The following ACP3 variants were observed in gnomAD, a reference collection of about 807,000 sequenced individuals.
ACP3 encodes the protein acid phosphatase 3.
In ACP3, 38 loss-of-function variants were observed where a neutral mutation model predicts 45.6. The ratio of observed to expected loss-of-function variants is 0.83; its 90% CI spans 0.64 to 1.09. ACP3 has a LOEUF of 1.09. ACP3 is among the 50% of genes least tolerant of loss of function. The pLI is 0.00. For missense variants in ACP3, 466 were observed against 463.2 expected (o/e 1.01, Z -0.05); for synonymous variants, 162 against 164.7 (o/e 0.98, Z 0.13).
At chr3:132,364,770 G>A (rs1387994292) in intron 10 of ACP3, among the ~76,000 whole-genome samples, 2 of 152,170 alleles carry the variant, frequency 1.3e-5, no homozygotes, top group East Asian at 1.9e-4. Flanking sequence ...AGGAAAGAAG[G>A]AAGGATAAAG....
chr3:132,331,767 C>G, intron 3 of ACP3, 34 bp downstream of exon 3: 1 of 1,506,744 alleles, frequency 6.6e-7, no homozygotes, highest in East Asian at 2.3e-5. Flanking sequence ...GAACTTTGAT[C>G]TTTGAAATAA....
chr3:132,355,460 T>C (rs1023487269), intron 9 of ACP3, among the ~76,000 whole-genome samples: 11 of 151,954 alleles, frequency 7.2e-5, no homozygotes, highest in African/African-American at 2.7e-4. Context: ...TTTTGTAAGT[T>C]TTATAGACAT....
At chr3:132,329,200 T>C (rs1937356603) in intron 2 of ACP3, among the ~76,000 whole-genome samples, 1 of 152,216 alleles carries the variant, frequency 6.6e-6, no homozygotes. Context: ...TGTTTAAATA[T>C]ATTAATTAAG....
intron 1 of ACP3, among the ~76,000 whole-genome samples, chr3:132,325,941 T>G (rs982162486): frequency 6.6e-6 from 1 of 152,198 alleles, no homozygotes. Flanking sequence ...CTTAGCACAG[T>G]TTCCAGGACA....
intron 9 of ACP3, among the ~76,000 whole-genome samples, chr3:132,353,901 C>T (rs554450221): frequency 2.0e-5 from 3 of 152,296 alleles, no homozygotes; most frequent in African/African-American, 7.2e-5. Flanking sequence ...TCACTGCTTA[C>T]AAAGAAGTGA....
intron 10 of ACP3, among the ~76,000 whole-genome samples, chr3:132,365,509 G>A (rs1217863945): frequency 1.3e-5 from 2 of 152,192 alleles, no homozygotes; most frequent in East Asian, 3.8e-4. Context: ...AGTGAAGGGA[G>A]GGTGATAGGA....
rs1332627455 is a variant in ACP3 at position 132,358,278 on chromosome 3, T to C, written c.*1400T>C. 2.7e-6 allele frequency: 3 copies of C among 1,103,188 alleles called. No individual in the cohort carries two copies. The highest frequency in any genetic ancestry group is 8.8e-5 in the Admixed American group (2 of 22,720). 68.3% of individuals were successfully genotyped at this position (1,103,188 alleles called of 1,614,324 possible). On this transcript the variant is annotated 3_prime_UTR_variant, in exon 10 of 10. Transcript: ENST00000336375. ...TATCAAACTGAAACAAAATTAGAAA[T>C]GTAATTATGTTCTAAGTGCCTCCAA...
At chr3:132,324,948 G>C (rs936737523) in intron 1 of ACP3, among the ~76,000 whole-genome samples, 1 of 152,132 alleles carries the variant, frequency 6.6e-6, no homozygotes. Context: ...GCCAGGAATT[G>C]TTATTATCTT....
chr3:132,366,818 T>C (rs1227910566), intron 10 of ACP3, among the ~76,000 whole-genome samples: 3 of 152,248 alleles, frequency 2.0e-5, no homozygotes, highest in Non-Finnish European at 4.4e-5. Flanking sequence ...AATACAATTA[T>C]CTGCTTAACC....
chr3:132,346,638 A>C (rs1309525614), intron 7 of ACP3, among the ~76,000 whole-genome samples: 1 of 152,206 alleles, frequency 6.6e-6, no homozygotes. Flanking sequence ...CTTAACAACA[A>C]AAGATGTAGA....
Position 132,357,406 on chromosome 3 carries a change from A to G in ACP3, c.*528A>G, listed in dbSNP as rs1559844152. ...TCAAGGAGAGGCAAAGAAAGGAGAT[A>G]CAGTGGAGACATCTGGAAAGTTTTC... On this transcript the variant is annotated 3_prime_UTR_variant, in exon 10 of 10. Transcript: ENST00000336375. The G allele has an allele frequency of 1.0e-6, 1 of 985,274 alleles. No homozygotes were observed. The highest frequency in any genetic ancestry group is 1.7e-5 in the African/African-American group (1 of 57,232). The allele number at this position is 985,274 out of a possible 1,614,324, so 61.0% of individuals were successfully genotyped here.
chr3:132,317,569 TG>T lies in ACP3; in HGVS notation c.114del (p.Thr39LeufsTer20). 1.2e-6 allele frequency: 2 copies of T among 1,611,088 alleles called. No homozygotes were observed. The highest frequency in any genetic ancestry group is 2.2e-5 in the South Asian group (2 of 90,220). ...GTACTAGCCAAGGAGTTGAAGTTTG[TG>T]ACTTTGGTAAGTAGACTTTTCTCAT... Reference protein sequence around the residue: ...RSVLAKELKFVTLVFRHGDRS... With the variant: ...RSVLAKELKFXTLVFRHGDRS... On this transcript the variant is annotated frameshift_variant, in exon 1 of 10. Transcript: ENST00000336375. LOFTEE classifies it high-confidence loss of function.
chr3:132,333,726 T>C (rs1392387351), intron 4 of ACP3, among the ~76,000 whole-genome samples: 1 of 152,188 alleles, frequency 6.6e-6, no homozygotes, highest in African/African-American at 2.4e-5. Flanking sequence ...CATTTGTGAA[T>C]ATTTTATTCC....
At chr3:132,348,351 CCTT>C (rs1937641203) in intron 7 of ACP3, among the ~76,000 whole-genome samples, 2 of 152,076 alleles carry the variant, frequency 1.3e-5, no homozygotes, top group Non-Finnish European at 2.9e-5. Flanking sequence ...TTAAAGCCCT[CCTT>C]CTCTGCTTGC....
At chr3:132,335,664 T>A (rs1451150124) in intron 4 of ACP3, among the ~76,000 whole-genome samples, 3 of 152,154 alleles carry the variant, frequency 2.0e-5, no homozygotes, top group Non-Finnish European at 4.4e-5. Context: ...CCAGGATGGC[T>A]AGAAGAGGGG....
chr3:132,332,100 GTCCTT>G (rs1937408837), intron 3 of ACP3, 87 bp from the exon 4 acceptor site: 1 of 1,366,824 alleles, frequency 7.3e-7, no homozygotes, highest in Admixed American at 1.8e-5. Context: ...CACTGTGGGT[GTCCTT>G]TCCTTTCTCT....
chr3:132,352,655 C>A, intron 8 of ACP3, 65 bp from the exon 9 acceptor site: 1 of 1,086,592 alleles, frequency 9.2e-7, no homozygotes, highest in Non-Finnish European at 1.4e-6. Context: ...TGGTGCTGTA[C>A]AAGTGCTTCA....
In ACP3 at chr3:132,330,197, G is replaced by A. The variant is rs143617803; in HGVS notation, c.217-1450G>A. ...GGCCTCCCAAAGTGCTAGAATTTCA[G>A]GCCTGAGCCACCACACCCAGCCTTG... On this transcript the variant is annotated intron_variant, in intron 2 of 9. Coordinates refer to ENST00000336375, the MANE Select transcript of ACP3 (RefSeq NM_001099.5). Among the ~76,000 whole-genome samples the A allele has an allele frequency of 1.1e-3, 167 of 152,102 alleles. 1 individual carries two copies. Among genetic ancestry groups the A allele is most frequent in the African/African-American group, 3.9e-3 (161 of 41,488 alleles).
At chr3:132,334,828 T>C (rs1312753366) in intron 4 of ACP3, among the ~76,000 whole-genome samples, 1 of 152,240 alleles carries the variant, frequency 6.6e-6, no homozygotes, top group Middle Eastern at 3.2e-3. Flanking sequence ...GGGCTGAATT[T>C]GAAGTTGGAA....
Sources: gnomAD v4.1 joint callset for allele counts (sites outside exome capture counted in the v4.1 genomes callset) on GRCh38, gnomAD v4.1.1 for gene constraint, MANE v1.5 for transcripts, NCBI Gene and HGNC (gene_info 2026-07-23, HGNC 2026-07-21) for gene names.